Variants in NBAS observed in about 807,000 individuals in gnomAD.
The protein encoded by NBAS is NBAS subunit of NRZ tethering complex.
NBAS carries 219 observed loss-of-function variants against 302.5 expected under a neutral mutation model. The observed-to-expected ratio is 0.72, with a 90% CI of 0.65 to 0.81. NBAS has a LOEUF of 0.81. Among genes scored for constraint, NBAS ranks in the 30% least tolerant of loss-of-function variants. The probability of loss-of-function intolerance (pLI) is 0.00; values close to 1 mark genes in which losing one functional copy is unlikely to be tolerated. For missense variants in NBAS, 2,932 were observed against 2,841.6 expected (o/e 1.03, Z -0.72); for synonymous variants, 1,118 against 1,021.6 (o/e 1.09, Z -1.80).
At chr2:15,089,990 C>T in the NBAS span, among the ~76,000 whole-genome samples, 3,960 of 152,096 alleles carry the variant, frequency 0.026, 190 homozygotes, top group African/African-American at 0.091. Context: ...CCTCATGATC[C>T]GCCCACCCCA....
the NBAS span, among the ~76,000 whole-genome samples, chr2:14,947,916 C>G: frequency 6.6e-6 from 1 of 151,724 alleles, no homozygotes; most frequent in Non-Finnish European, 1.5e-5. Flanking sequence ...TGTGATGTAT[C>G]ATTATTATTG....
the NBAS span, among the ~76,000 whole-genome samples, chr2:15,023,561 T>C: frequency 1.3e-5 from 2 of 151,352 alleles, no homozygotes; most frequent in Non-Finnish European, 1.5e-5. Flanking sequence ...CTAAAAGTAC[T>C]GTTCTCCTCT....
At chr2:15,236,199 T>C (rs991175680) in intron 45 of NBAS, among the ~76,000 whole-genome samples, 8 of 152,122 alleles carry the variant, frequency 5.3e-5, no homozygotes, top group African/African-American at 1.9e-4. Context: ...CATCATATCT[T>C]AGATGAAACA....
intron 28 of NBAS, among the ~76,000 whole-genome samples, chr2:15,389,885 C>G (rs1346158683): frequency 2.0e-5 from 3 of 152,118 alleles, no homozygotes; most frequent in Admixed American, 2.0e-4. Flanking sequence ...GAGAAAGATT[C>G]CAGGCCACAG....
chr2:15,476,248 C>A (rs1337100973), intron 13 of NBAS, among the ~76,000 whole-genome samples: 4 of 152,168 alleles, frequency 2.6e-5, no homozygotes, highest in South Asian at 2.1e-4. Context: ...ACATGAAGGT[C>A]ATATAATGTT....
chr2:15,541,795 G>T (rs1341356746), intron 6 of NBAS, among the ~76,000 whole-genome samples: 28 of 93,006 alleles, frequency 3.0e-4, no homozygotes, highest in Non-Finnish European at 4.5e-4. Flanking sequence ...CCCCGTCCGG[G>T]AGGGAGGTGG....
At chr2:14,919,785 G>T in the NBAS span, among the ~76,000 whole-genome samples, 101 of 152,258 alleles carry the variant, frequency 6.6e-4, no homozygotes, top group Non-Finnish European at 1.1e-3. Context: ...TCATGAGATT[G>T]CAGCAATTCA....
Position 15,308,361 on chromosome 2 carries a change from G to A in NBAS, c.4660-8C>T. ...CCGGTTAGCATCTAACACCTAGGAG[G>A]GAACATGTTAGAATTAACTCAGCTG... is the stretch of plus-strand genomic sequence containing the variant. On this transcript the variant is annotated splice_polypyrimidine_tract_variant and splice_region_variant and intron_variant, in intron 39 of 51. Transcript: ENST00000281513. 6.2e-7 allele frequency: 1 copy of A among 1,613,692 alleles called. No individual in the cohort carries two copies. Among genetic ancestry groups the A allele is most frequent in the Non-Finnish European group, 8.5e-7 (1 of 1,179,870 alleles).
At chr2:15,111,879 A>AATTATATTAATTAAATATTATAT in the NBAS span, among the ~76,000 whole-genome samples, 18 of 147,876 alleles carry the variant, frequency 1.2e-4, no homozygotes, top group African/African-American at 4.4e-4. Flanking sequence ...TATTATATTT[A>AATTATATTAATTAAATATTATAT]ATTATATTAA....
chr2:15,200,948 C>T (rs924144545), intron 48 of NBAS, among the ~76,000 whole-genome samples: 13 of 152,056 alleles, frequency 8.5e-5, no homozygotes, highest in African/African-American at 2.9e-4. Context: ...TAGAAATTTA[C>T]AAATATGATG....
downstream of NBAS, chr2:15,166,815 A>T: frequency 2.1e-6 from 1 of 478,850 alleles, no homozygotes; most frequent in Non-Finnish European, 3.5e-6. Context: ...TTGAAATAAA[A>T]AAGGAGGGTG....
At chr2:15,238,334 T>A in intron 45 of NBAS, 134 bp downstream of exon 45, 1 of 851,434 alleles carries the variant, frequency 1.2e-6, no homozygotes, top group Non-Finnish European at 1.8e-6. Context: ...GGTTAACCAA[T>A]AAAGGCTTGC....
At chr2:15,368,314 C>T (rs993000557) in intron 31 of NBAS, among the ~76,000 whole-genome samples, 1 of 151,190 alleles carries the variant, frequency 6.6e-6, no homozygotes, top group Non-Finnish European at 1.5e-5. Context: ...ATTCTTCTGC[C>T]TCAGCCTCCC....
intron 12 of NBAS, among the ~76,000 whole-genome samples, chr2:15,478,777 C>CA (rs1680301475): frequency 6.6e-6 from 1 of 152,136 alleles, no homozygotes; most frequent in African/African-American, 2.4e-5. Flanking sequence ...TATAACCATG[C>CA]AGTCCTTCCT....
intron 3 of NBAS, 146 bp from the exon 4 acceptor site, chr2:15,554,284 A>T (rs1664539121): frequency 1.4e-6 from 1 of 728,312 alleles, no homozygotes; most frequent in Non-Finnish European, 2.4e-6. Flanking sequence ...CCAAAACCCA[A>T]AGTTACTATT....
intron 36 of NBAS, among the ~76,000 whole-genome samples, chr2:15,328,906 C>G (rs1402714405): frequency 2.0e-5 from 3 of 152,176 alleles, no homozygotes; most frequent in Admixed American, 2.0e-4. Flanking sequence ...TGGTTAGATC[C>G]TAACTTTCCT....
intron 2 of NBAS, among the ~76,000 whole-genome samples, chr2:15,557,316 T>C (rs963239155): frequency 3.3e-5 from 5 of 152,268 alleles, no homozygotes; most frequent in Admixed American, 3.3e-4. Flanking sequence ...TGTACATGTA[T>C]GTGTGTACCT....
In NBAS at chr2:15,176,430, G is replaced by A. The variant is rs1160202473; in HGVS notation, c.6840+2558C>T. Among the ~76,000 whole-genome samples, 6 of 151,840 alleles carry A rather than the reference G, an allele frequency of 4.0e-5. No individual in the cohort carries two copies. In the East Asian group the frequency reaches 5.8e-4, roughly 15 times the overall value. ...CCTTGACTGCAGTTAGTGGTCACAC[G>A]AAGTTACAGGTGACAATGTCACATG... On this transcript the variant is annotated intron_variant, in intron 51 of 51. Coordinates refer to ENST00000281513, the MANE Select transcript of NBAS (RefSeq NM_015909.4).
At chr2:14,893,732 C>T in the NBAS span, among the ~76,000 whole-genome samples, 1 of 152,150 alleles carries the variant, frequency 6.6e-6, no homozygotes, top group East Asian at 1.9e-4. Context: ...GCCCTACTCC[C>T]CACCCCAGTC....
Sources: allele counts gnomAD v4.1 joint callset (sites outside exome capture counted in the v4.1 genomes callset), GRCh38; gene constraint gnomAD v4.1.1; transcripts MANE v1.5; gene names NCBI Gene and HGNC (gene_info 2026-07-23, HGNC 2026-07-21).